EPHA7: variants seen among roughly 807,000 people sequenced by gnomAD.
EPHA7 encodes EPH receptor A7, also known as ephrin type-A receptor 7.
EPHA7 carries 25 observed loss-of-function variants against 112.6 expected under a neutral mutation model. The ratio of observed to expected loss-of-function variants is 0.22; its 90% CI spans 0.16 to 0.31. EPHA7 has a LOEUF of 0.31. Among genes scored for constraint, EPHA7 ranks in the 10% least tolerant of loss-of-function variants. The pLI is 1.00. For missense variants in EPHA7, 962 were observed against 1,212.6 expected (o/e 0.79, Z 3.07); for synonymous variants, 437 against 406.5 (o/e 1.07, Z -0.90).
chr6:93,360,218 G>A (rs1776190932), intron 3 of EPHA7, among the ~76,000 whole-genome samples: 2 of 151,818 alleles, frequency 1.3e-5, no homozygotes, highest in South Asian at 4.2e-4. Flanking sequence ...TAAAAAATAT[G>A]GTTAACAGAA....
intron 5 of EPHA7, among the ~76,000 whole-genome samples, chr6:93,355,086 A>G (rs1319192435): frequency 6.6e-6 from 1 of 152,190 alleles, no homozygotes; most frequent in Admixed American, 6.5e-5. Flanking sequence ...AAGTGGAACT[A>G]TCTTATGACA....
At chr6:93,322,240 T>C (rs1279790346) in intron 5 of EPHA7, among the ~76,000 whole-genome samples, 1 of 151,748 alleles carries the variant, frequency 6.6e-6, no homozygotes, top group Non-Finnish European at 1.5e-5. Flanking sequence ...ACTATATAAT[T>C]TACACTGTAG....
intron 5 of EPHA7, among the ~76,000 whole-genome samples, chr6:93,273,336 T>C (rs1548297): frequency 0.45 from 67,813 of 151,722 alleles, 15,999 homozygotes; most frequent in South Asian, 0.7. Flanking sequence ...TCATGTACCA[T>C]GCTCTATCTC....
intron 6 of EPHA7, among the ~76,000 whole-genome samples, chr6:93,271,314 CT>C (rs1771206689): frequency 6.6e-6 from 1 of 151,778 alleles, no homozygotes; most frequent in Non-Finnish European, 1.5e-5. Context: ...TGCCAATGTA[CT>C]ATATACATTT....
chr6:93,296,426 A>C (rs985593860), intron 5 of EPHA7, among the ~76,000 whole-genome samples: 3 of 140,852 alleles, frequency 2.1e-5, no homozygotes, highest in Non-Finnish European at 4.6e-5. Flanking sequence ...CATAGCATAT[A>C]TATATAAAAT....
At chr6:93,252,886 A>C (rs2127853028) in intron 14 of EPHA7, among the ~76,000 whole-genome samples, 1 of 152,148 alleles carries the variant, frequency 6.6e-6, no homozygotes, top group African/African-American at 2.4e-5. Context: ...TTGACTAATA[A>C]AATATTAATC....
In EPHA7 at chr6:93,245,299, C is replaced by G; in HGVS notation, c.2881G>C (p.Glu961Gln). ...ACAATTTTAAGAGTTTAAGCTTACT[C>G]AATAGTCATCCTGGCTACTGATTCA... is the stretch of plus-strand genomic sequence containing the variant. ...SLESVARMTI[E>Q]DVMSLGITLV... Residue 961 changes from glutamate (E) to glutamine (Q), a missense_variant and splice_region_variant, in exon 16 of 17, where the codon GAG (glutamate) becomes CAG (glutamine). By Grantham distance (29) the Glu-to-Gln change is conservative (BLOSUM62 2). Coordinates refer to ENST00000369303, the MANE Select transcript of EPHA7 (RefSeq NM_004440.4). The G allele has an allele frequency of 6.2e-7, 1 of 1,612,218 alleles. No individual in the cohort carries two copies. The highest frequency in any genetic ancestry group is 2.2e-5 in the East Asian group (1 of 44,784).
At chr6:93,380,047 A>G (rs1777257128) in intron 3 of EPHA7, among the ~76,000 whole-genome samples, 1 of 152,100 alleles carries the variant, frequency 6.6e-6, no homozygotes, top group Non-Finnish European at 1.5e-5. Flanking sequence ...TTTAGTATGA[A>G]GAATCTGGGT....
chr6:93,356,144 C>T (rs1775931486), intron 5 of EPHA7, among the ~76,000 whole-genome samples: 1 of 152,074 alleles, frequency 6.6e-6, no homozygotes, highest in Non-Finnish European at 1.5e-5. Context: ...TCACTCCCCT[C>T]CTCTAGATCT....
Position 93,300,639 on chromosome 6 carries a change from C to G in EPHA7, c.1325-28217G>C, listed in dbSNP as rs566561598. 5.9e-5 allele frequency among the ~76,000 whole-genome samples: 9 copies of G among 152,248 alleles called. 1 individual carries two copies. Among genetic ancestry groups the G allele is most frequent in the Non-Finnish European group, 1.2e-4 (8 of 68,008 alleles). ...TATAACCCAAATAACTATGAAAATT[C>G]TCCCAATTGACCTTCATATTTTAAT... is the stretch of plus-strand genomic sequence containing the variant. On this transcript the variant is annotated intron_variant, in intron 5 of 16. Coordinates refer to ENST00000369303, the MANE Select transcript of EPHA7 (RefSeq NM_004440.4).
Position 93,410,898 on chromosome 6 carries a change from T to C in EPHA7, c.435A>G (p.Lys145=), listed in dbSNP as rs745928793. The C allele has an allele frequency of 7.4e-6, 12 of 1,613,942 alleles. No homozygotes were observed. Among genetic ancestry groups the C allele is most frequent in the Non-Finnish European group, 9.3e-6 (11 of 1,179,968 alleles). Residue 145 remains lysine (K), a synonymous_variant, in exon 3 of 17, where the codon AAA becomes AAG. Transcript: ENST00000369303. This position sits in a 1 kb window ranked among gnomAD's most constrained non-coding sequence, Gnocchi z 4.0. ...GRNIRENLYV[K]IDTIAADESF... ...TTTCATCTGCAGCAATGGTGTCTAT[T>C]TTTACATAGAGGTTTTCTCTTATAT... is the stretch of plus-strand genomic sequence containing the variant.
At chr6:93,391,482 C>T (rs1416827173) in intron 3 of EPHA7, among the ~76,000 whole-genome samples, 1 of 151,740 alleles carries the variant, frequency 6.6e-6, no homozygotes, top group South Asian at 2.1e-4. Flanking sequence ...CTCATGTGGA[C>T]GTTGATGCTT....
chr6:93,269,772 T>C (rs1172866004), intron 6 of EPHA7, 112 bp from the exon 7 acceptor site: 1 of 808,378 alleles, frequency 1.2e-6, no homozygotes, highest in African/African-American at 1.8e-5. Flanking sequence ...GAGGCTACAT[T>C]GTACTTTGTG....
chr6:93,328,717 T>C (rs1774444027), intron 5 of EPHA7, among the ~76,000 whole-genome samples: 1 of 151,348 alleles, frequency 6.6e-6, no homozygotes, highest in Admixed American at 6.6e-5. Context: ...GGTAATAATA[T>C]ATTCTCATTA....
At chr6:93,349,185 T>A (rs1775563730) in intron 5 of EPHA7, among the ~76,000 whole-genome samples, 1 of 151,848 alleles carries the variant, frequency 6.6e-6, no homozygotes, top group African/African-American at 2.4e-5. Context: ...TAAAATATCA[T>A]CCTTTTTGTA....
chr6:93,261,314 T>C (rs1770680358), intron 9 of EPHA7, among the ~76,000 whole-genome samples: 1 of 151,572 alleles, frequency 6.6e-6, no homozygotes, highest in African/African-American at 2.4e-5. Flanking sequence ...AGTTAAATGG[T>C]TGCTTTCAAG....
chr6:93,314,558 C>A (rs1182377606), intron 5 of EPHA7, among the ~76,000 whole-genome samples: 1 of 152,094 alleles, frequency 6.6e-6, no homozygotes, highest in Non-Finnish European at 1.5e-5. Flanking sequence ...CGAAGAGCAA[C>A]AAGACCACCT....
At chr6:93,334,395 GGGAGGTAATTAAAGAGC>G (rs1774753772) in intron 5 of EPHA7, among the ~76,000 whole-genome samples, 1 of 151,860 alleles carries the variant, frequency 6.6e-6, no homozygotes, top group South Asian at 2.1e-4. Context: ...ATTGACAAAT[GGGAGGTAATTAAAGAGC>G]CTGTGCACAG....
intron 5 of EPHA7, among the ~76,000 whole-genome samples, chr6:93,279,570 A>G (rs1022781871): frequency 1.3e-5 from 2 of 151,856 alleles, no homozygotes; most frequent in African/African-American, 4.8e-5. Context: ...AATTGTTAAA[A>G]CTCCTTTAGA....
Sources: gnomAD v4.1 joint callset for allele counts (sites outside exome capture counted in the v4.1 genomes callset) on GRCh38, gnomAD v4.1.1 for gene constraint, Gnocchi (gnomAD v3.1) non-coding constraint, MANE v1.5 for transcripts, NCBI Gene and HGNC (gene_info 2026-07-23, HGNC 2026-07-21) for gene names.